The following OPA3 variants were observed in gnomAD, a reference collection of about 807,000 sequenced individuals.
OPA3 encodes the protein outer mitochondrial membrane lipid metabolism regulator OPA3, also known as optic atrophy 3 protein.
Under a neutral mutation model 4.0 loss-of-function variants are expected in OPA3, and 6 were observed. The ratio of observed to expected loss-of-function variants is 1.51; its 90% CI spans 0.83 to 2.99. The LOEUF is 2.99. Ranked by LOEUF, OPA3 falls within the 30% of genes most tolerant of loss-of-function variation. OPA3 has a pLI of 0.00. For missense variants in OPA3, 235 were observed against 256.2 expected (o/e 0.92, Z 0.56); for synonymous variants, 105 against 117.1 (o/e 0.90, Z 0.67).
chr19:45,577,029 A>G (rs1485088442), intron 1 of OPA3, among the ~76,000 whole-genome samples: 1 of 152,206 alleles, frequency 6.6e-6, no homozygotes, highest in African/African-American at 2.4e-5. Context: ...CTGCCCAGAG[A>G]TATCTCACAG....
In OPA3 at chr19:45,548,157, C is replaced by G; in HGVS notation, c.*5357G>C. The stretch of plus-strand genomic sequence containing the variant: ...ATGCTTCTCCTCTCTCTGTCCACAC[C>G]GACTCCAGCTACAAGCCATTGCCAC... On this transcript the variant is annotated 3_prime_UTR_variant, in exon 2 of 2. Transcript: ENST00000263275. 2.0e-6 allele frequency: 2 copies of G among 985,864 alleles called. No homozygotes were observed. Among genetic ancestry groups the G allele is most frequent in the Non-Finnish European group, 2.4e-6 (2 of 830,204 alleles). 61.1% of individuals were successfully genotyped at this position (985,864 alleles called of 1,614,324 possible).
At chr19:45,572,379 ATC>A (rs994890803) in intron 1 of OPA3, among the ~76,000 whole-genome samples, 1 of 134,182 alleles carries the variant, frequency 7.5e-6, no homozygotes, top group Non-Finnish European at 1.6e-5. Flanking sequence ...ATCGATATAT[ATC>A]TCATATATAT....
chr19:45,554,077 A>G (rs1484847469), intron 1 of OPA3, among the ~76,000 whole-genome samples, 166 bp from the exon 2 acceptor site: 1 of 152,152 alleles, frequency 6.6e-6, no homozygotes, highest in East Asian at 1.9e-4. Flanking sequence ...CCCAGAAGGG[A>G]GGTCCTCGGA....
At chr19:45,536,866 A>G (rs1237875570) in intron 1 of OPA3, among the ~76,000 whole-genome samples, 2 of 152,112 alleles carry the variant, frequency 1.3e-5, no homozygotes, top group African/African-American at 4.8e-5. Flanking sequence ...TACCTCACAT[A>G]ATACACAAAA....
At chr19:45,545,186 A>AAAAAAAAAAAAAAAAAAT (rs1969234797), downstream of OPA3, among the ~76,000 whole-genome samples, 1 of 149,098 alleles carries the variant, frequency 6.7e-6, no homozygotes, top group Admixed American at 6.7e-5. Flanking sequence ...AAACAAAAAA[A>AAAAAAAAAAAAAAAAAAT]CAAAAAATAG....
intron 1 of OPA3, among the ~76,000 whole-genome samples, chr19:45,562,601 AGC>A: frequency 6.6e-6 from 1 of 152,078 alleles, no homozygotes; most frequent in Non-Finnish European, 1.5e-5. Flanking sequence ...AGGCAGGAGA[AGC>A]TCTTGAACCT....
At chr19:45,557,085 G>A (rs1448649095) in intron 1 of OPA3, among the ~76,000 whole-genome samples, 3 of 152,202 alleles carry the variant, frequency 2.0e-5, no homozygotes, top group Non-Finnish European at 4.4e-5. Context: ...CCAGAGAGTG[G>A]TGAGGGGTGA....
chr19:45,548,920 C>T lies in OPA3; in HGVS notation c.*4594G>A, dbSNP rs1265410917. The T allele has an allele frequency of 3.0e-6, 1 of 329,194 alleles. No homozygotes were observed. The highest frequency in any genetic ancestry group is 4.3e-6 in the Non-Finnish European group (1 of 230,416). The allele number at this position is 329,194 out of a possible 1,614,324, so 20.4% of individuals were successfully genotyped here. ...CCGGGTCCAAGAGATTCTCCTGCCT[C>T]AGCCTCCCGAGTAGGTGGGATTACA... On this transcript the variant is annotated 3_prime_UTR_variant, in exon 2 of 2. Transcript: ENST00000263275.
At chr19:45,561,792 T>C (rs1195664735) in intron 1 of OPA3, among the ~76,000 whole-genome samples, 1 of 151,608 alleles carries the variant, frequency 6.6e-6, no homozygotes, top group Non-Finnish European at 1.5e-5. Context: ...AATACAAAAA[T>C]TAGCTGGGCG....
In OPA3 at chr19:45,548,072, G is replaced by T; in HGVS notation, c.*5442C>A. ...TGAGGGCCTCTGCTTGCTCCCAACT[G>T]GCTCCCAGCTACTAGAATGGAGCCT... On this transcript the variant is annotated 3_prime_UTR_variant, in exon 2 of 2. Coordinates refer to ENST00000263275, the MANE Select transcript of OPA3 (RefSeq NM_025136.4). 1 of 970,268 alleles carries T rather than the reference G, an allele frequency of 1.0e-6. No homozygotes were observed. The highest frequency in any genetic ancestry group is 1.2e-6 in the Non-Finnish European group (1 of 816,206). The allele number at this position is 970,268 out of a possible 1,614,324, so 60.1% of individuals were successfully genotyped here.
chr19:45,572,582 T>TC, intron 1 of OPA3, among the ~76,000 whole-genome samples: 1 of 135,702 alleles, frequency 7.4e-6, no homozygotes, highest in Admixed American at 8.0e-5. Flanking sequence ...GATATATGTA[T>TC]ATAAATATAT....
intron 1 of OPA3, among the ~76,000 whole-genome samples, chr19:45,569,578 C>G (rs1254461470): frequency 6.6e-6 from 1 of 152,074 alleles, no homozygotes; most frequent in Non-Finnish European, 1.5e-5. Flanking sequence ...GTTTAGAAGC[C>G]GATACTCACC....
intron 1 of OPA3, among the ~76,000 whole-genome samples, chr19:45,565,657 TG>T (rs1969572322): frequency 6.6e-6 from 1 of 152,088 alleles, no homozygotes; most frequent in South Asian, 2.1e-4. Flanking sequence ...GGCTAATTTT[TG>T]TAATTCTAGT....
chr19:45,545,175 AAAAC>A (rs1969233244), downstream of OPA3, among the ~76,000 whole-genome samples: 1 of 148,672 alleles, frequency 6.7e-6, no homozygotes, highest in Non-Finnish European at 1.5e-5. Flanking sequence ...AAAAAAAAAA[AAAAC>A]AAAAAAACAA....
At chr19:45,557,550 C>T (rs1359097419) in intron 1 of OPA3, among the ~76,000 whole-genome samples, 1 of 152,144 alleles carries the variant, frequency 6.6e-6, no homozygotes, top group Non-Finnish European at 1.5e-5. Flanking sequence ...CCACACCTGT[C>T]CCCTGGCTAG....
chr19:45,548,032 G>C lies in OPA3; in HGVS notation c.*5482C>G. The C allele has an allele frequency of 1.3e-6, 1 of 773,900 alleles. No homozygotes were observed. Among genetic ancestry groups the C allele is most frequent in the Non-Finnish European group, 1.6e-6 (1 of 636,712 alleles). 47.9% of individuals were successfully genotyped at this position (773,900 alleles called of 1,614,324 possible). A position where few individuals can be genotyped will look rare whatever the true frequency, so the allele number is the denominator to read the frequency against. ...TCTTTATTGCCGGTCTCTGGCACTA[G>C]AATGTCAGCTCCAGTGAGGGCCTCT... On this transcript the variant is annotated 3_prime_UTR_variant, in exon 2 of 2. Coordinates refer to ENST00000263275, the MANE Select transcript of OPA3 (RefSeq NM_025136.4).
At position 45,553,050 on chromosome 19, in the gene OPA3, G is replaced by A; in HGVS notation, c.*464C>T. 1 of 1,029,920 alleles carries A rather than the reference G, an allele frequency of 9.7e-7. No individual in the cohort carries two copies. Among genetic ancestry groups the A allele is most frequent in the Non-Finnish European group, 1.2e-6 (1 of 856,924 alleles). The allele number at this position is 1,029,920 out of a possible 1,614,324, so 63.8% of individuals were successfully genotyped here. On this transcript the variant is annotated 3_prime_UTR_variant, in exon 2 of 2. Coordinates refer to ENST00000263275, the MANE Select transcript of OPA3 (RefSeq NM_025136.4). ...ACCTTAGAAGGTGAGGGGGAGAAAA[G>A]GCCACTGCAACACACTGCATTTCCT...
In OPA3 at chr19:45,584,719, T is replaced by A. The variant is rs1969907431; in HGVS notation, c.46A>T (p.Ile16Phe). The A allele has an allele frequency of 6.2e-7, 1 of 1,614,182 alleles. No homozygotes were observed. Among genetic ancestry groups the A allele is most frequent in the Non-Finnish European group, 8.5e-7 (1 of 1,180,034 alleles). ...FPMAKLLYLG[I>F]RQVSKPLANR... ...GCAAGCGGCTTGCTGACCTGCCGGA[T>A]GCCCAAGTATAGCAGCTTCGCCATA... Residue 16 changes from isoleucine (I) to phenylalanine (F), a missense_variant, in exon 1 of 2, where the codon ATC becomes TTC. Coordinates refer to ENST00000263275, the MANE Select transcript of OPA3 (RefSeq NM_025136.4).
At chr19:45,580,065 C>T (rs1469440470) in intron 1 of OPA3, among the ~76,000 whole-genome samples, 1 of 148,598 alleles carries the variant, frequency 6.7e-6, no homozygotes, top group Admixed American at 6.9e-5. Context: ...GGCACGATCT[C>T]GGCTCACTGC....
Sources: gnomAD v4.1 joint callset for allele counts (sites outside exome capture counted in the v4.1 genomes callset) on GRCh38, gnomAD v4.1.1 for gene constraint, MANE v1.5 for transcripts, NCBI Gene and HGNC (gene_info 2026-07-23, HGNC 2026-07-21) for gene names.